Variants in CXADR observed in about 807,000 individuals in gnomAD.
CXADR encodes the protein coxsackievirus and adenovirus receptor.
In CXADR, 20 loss-of-function variants were observed where a neutral mutation model predicts 40.3. The observed-to-expected ratio is 0.50, with a 90% CI of 0.35 to 0.72. CXADR has a LOEUF of 0.72. Among genes scored for constraint, CXADR ranks in the 30% least tolerant of loss-of-function variants. The pLI is 0.01. For missense variants in CXADR, 332 were observed against 449.1 expected (o/e 0.74, Z 2.36); for synonymous variants, 150 against 161.3 (o/e 0.93, Z 0.53).
the CXADR span, among the ~76,000 whole-genome samples, chr21:17,599,356 C>T: frequency 1.3e-5 from 2 of 151,970 alleles, no homozygotes; most frequent in Non-Finnish European, 2.9e-5. Flanking sequence ...AATTTATATA[C>T]ATTTTTAGAG....
chr21:17,564,577 A>G (rs2061177308), intron 6 of CXADR, among the ~76,000 whole-genome samples: 1 of 152,058 alleles, frequency 6.6e-6, no homozygotes, highest in African/African-American at 2.4e-5. Flanking sequence ...GTGGATGTGG[A>G]GGGCCAGTTG....
In CXADR at chr21:17,566,902, G is replaced by A; in HGVS notation, c.*1210G>A. On this transcript the variant is annotated 3_prime_UTR_variant, in exon 7 of 7. Transcript: ENST00000284878. Reference sequence around the variant, plus strand: ...GTGTAGTTCCAGCAAATCAAGCTGAGCTTTGAAAAAGTTTGTCTTAGTTTT... The same window carrying A: ...GTGTAGTTCCAGCAAATCAAGCTGAACTTTGAAAAAGTTTGTCTTAGTTTT... 2 of 983,244 alleles carry A rather than the reference G, an allele frequency of 2.0e-6. No individual in the cohort carries two copies. Among genetic ancestry groups the A allele is most frequent in the Non-Finnish European group, 2.4e-6 (2 of 828,936 alleles). 60.9% of individuals were successfully genotyped at this position (983,244 alleles called of 1,614,324 possible). A position where few individuals can be genotyped will look rare whatever the true frequency, so the allele number is the denominator to read the frequency against.
chr21:17,513,182 G>A lies in CXADR; in HGVS notation c.43+10G>A. ...CTGTGCGGAGTAGTGGGTGAGTAGGGGCCATGGGGTCCTCAGCACCCGCCC... is the reference window on the plus strand; with the variant it reads ...CTGTGCGGAGTAGTGGGTGAGTAGGAGCCATGGGGTCCTCAGCACCCGCCC... On this transcript the variant is annotated intron_variant, in intron 1 of 6. Coordinates refer to ENST00000284878, the MANE Select transcript of CXADR (RefSeq NM_001338.5). 7.3e-7 allele frequency: 1 copy of A among 1,364,596 alleles called. No individual in the cohort carries two copies. Among genetic ancestry groups the A allele is most frequent in the South Asian group, 2.0e-5 (1 of 51,030 alleles). The allele number at this position is 1,364,596 out of a possible 1,614,324, so 84.5% of individuals were successfully genotyped here.
At chr21:17,547,281 G>T (rs1162164344) in intron 2 of CXADR, 88 bp downstream of exon 2, 35 of 1,561,006 alleles carry the variant, frequency 2.2e-5, no homozygotes, top group South Asian at 1.2e-5. Flanking sequence ...TGGATGGGCT[G>T]CAGGGAGCTA....
chr21:17,546,934 G>C (rs953415729), intron 1 of CXADR, 93 bp from the exon 2 acceptor site: 56 of 1,454,596 alleles, frequency 3.8e-5, no homozygotes, highest in Non-Finnish European at 5.3e-5. Context: ...TGTATCCCTC[G>C]CATCAATGTG....
chr21:17,559,219 T>G, intron 4 of CXADR, 88 bp downstream of exon 4: 17 of 1,327,310 alleles, frequency 1.3e-5, no homozygotes, highest in Non-Finnish European at 1.6e-5. Flanking sequence ...GATAGGGCCT[T>G]GCTCTGTCAC....
chr21:17,605,410 C>T, the CXADR span, among the ~76,000 whole-genome samples: 4 of 152,032 alleles, frequency 2.6e-5, no homozygotes, highest in East Asian at 2.0e-4. Flanking sequence ...GAAATGCTTA[C>T]GACAAATTCT....
intron 6 of CXADR, 97 bp downstream of exon 6, chr21:17,561,573 T>G: frequency 9.4e-7 from 1 of 1,067,398 alleles, no homozygotes; most frequent in Non-Finnish European, 1.3e-6. Context: ...GCATCTTTCT[T>G]AGGAGAATGG....
exon 8 of CXADR, chr21:17,593,186 T>C (rs1019784753): frequency 1.4e-6 from 2 of 1,463,222 alleles, no homozygotes; most frequent in South Asian, 3.0e-5. Context: ...GGAATTACAG[T>C]TGTATAAATA....
chr21:17,536,388 T>C (rs2060757520), intron 1 of CXADR, among the ~76,000 whole-genome samples: 1 of 152,216 alleles, frequency 6.6e-6, no homozygotes. Flanking sequence ...TTCTCCCATG[T>C]AGGCTTCATT....
At chr21:17,636,016 G>T in the CXADR span, among the ~76,000 whole-genome samples, 2 of 152,174 alleles carry the variant, frequency 1.3e-5, no homozygotes, top group Non-Finnish European at 2.9e-5. Flanking sequence ...AACATCTTTT[G>T]TCGAATTTAT....
the CXADR span, among the ~76,000 whole-genome samples, chr21:17,622,804 T>C: frequency 6.6e-6 from 1 of 152,198 alleles, no homozygotes. Flanking sequence ...ATAATTCTTC[T>C]CACTGAATGT....
chr21:17,605,149 A>G, the CXADR span: 1 of 878,564 alleles, frequency 1.1e-6, no homozygotes. Flanking sequence ...TAAACAGATA[A>G]TAAATGTGAA....
At chr21:17,547,274 A>G in intron 2 of CXADR, 81 bp downstream of exon 2, 12 of 1,580,036 alleles carry the variant, frequency 7.6e-6, no homozygotes, top group Non-Finnish European at 1.0e-5. Context: ...AGTCACATGG[A>G]TGGGCTGCAG....
chr21:17,535,629 G>A (rs1462969306), intron 1 of CXADR, among the ~76,000 whole-genome samples: 1 of 152,044 alleles, frequency 6.6e-6, no homozygotes, highest in African/African-American at 2.4e-5. Flanking sequence ...TATTAAATAA[G>A]TTCTTCATAA....
At position 17,567,777 on chromosome 21, in the gene CXADR, T is replaced by C; in HGVS notation, c.*2085T>C. 5.5e-6 allele frequency: 5 copies of C among 907,346 alleles called. No homozygotes were observed. The highest frequency in any genetic ancestry group is 6.6e-6 in the Non-Finnish European group (5 of 758,650). The allele number at this position is 907,346 out of a possible 1,614,324, so 56.2% of individuals were successfully genotyped here. A position where few individuals can be genotyped will look rare whatever the true frequency, so the allele number is the denominator to read the frequency against. On this transcript the variant is annotated 3_prime_UTR_variant, in exon 7 of 7. Transcript: ENST00000284878. ...AATAATAAAGTTTTGGTTCTTCCTA[T>C]TCCTGACTTTCATATAATGAAAATT...
chr21:17,560,651 A>G, intron 4 of CXADR, 51 bp from the exon 5 acceptor site: 1 of 1,559,750 alleles, frequency 6.4e-7, no homozygotes, highest in South Asian at 1.1e-5. Context: ...AACACCTGAT[A>G]ACAATACATA....
At chr21:17,555,118 T>G (rs1465387350) in intron 3 of CXADR, among the ~76,000 whole-genome samples, 1 of 152,206 alleles carries the variant, frequency 6.6e-6, no homozygotes, top group Admixed American at 6.5e-5. Flanking sequence ...AAGGTTACTG[T>G]TGTGGCCATA....
chr21:17,591,921 A>G (rs369072192), intron 7 of CXADR, among the ~76,000 whole-genome samples: 2 of 151,934 alleles, frequency 1.3e-5, no homozygotes, highest in African/African-American at 4.8e-5. Flanking sequence ...TGACAGTTTT[A>G]TTTCATTAGG....
Sources: allele counts gnomAD v4.1 joint callset (sites outside exome capture counted in the v4.1 genomes callset), GRCh38; gene constraint gnomAD v4.1.1; transcripts MANE v1.5; gene names NCBI Gene and HGNC (gene_info 2026-07-23, HGNC 2026-07-21).